KANK1: variants seen among roughly 807,000 people sequenced by gnomAD.
KANK1 encodes the protein KN motif and ankyrin repeat domain-containing protein 1.
Under a neutral mutation model 106.2 loss-of-function variants are expected in KANK1, and 109 were observed. The observed-to-expected ratio is 1.03, with a 90% confidence interval of 0.88 to 1.20. The LOEUF is 1.20. KANK1 is among the 50% of genes most tolerant of loss of function. KANK1 has a pLI of 0.00. For missense variants in KANK1, 2,399 were observed against 1,710.7 expected (o/e 1.40, Z -7.10); for synonymous variants, 873 against 652.2 (o/e 1.34, Z -5.16).
intron 1 of KANK1, among the ~76,000 whole-genome samples, chr9:622,365 G>T (rs1452823270): frequency 6.6e-6 from 1 of 152,064 alleles, no homozygotes; most frequent in Admixed American, 6.6e-5. Context: ...TCACTGCCCT[G>T]GAAAGAAGCT....
At chr9:480,723 G>T (rs1367277716) in intron 3 of KANK1, among the ~76,000 whole-genome samples, 1 of 152,194 alleles carries the variant, frequency 6.6e-6, no homozygotes, top group African/African-American at 2.4e-5. Context: ...GAAAGCATAG[G>T]CAGGGGAGCC....
chr9:703,900 G>T (rs905808478), intron 2 of KANK1, among the ~76,000 whole-genome samples: 7 of 152,124 alleles, frequency 4.6e-5, no homozygotes, highest in Admixed American at 3.9e-4. Context: ...TTTTAGTAGA[G>T]ACCTGGTTTC....
At chr9:592,241 A>C (rs574529014) in intron 1 of KANK1, among the ~76,000 whole-genome samples, 5 of 151,924 alleles carry the variant, frequency 3.3e-5, no homozygotes, top group African/African-American at 9.7e-5. Context: ...AGGGGATGTA[A>C]AGGAATTGAT....
At chr9:554,088 A>G (rs2061434906) in intron 1 of KANK1, among the ~76,000 whole-genome samples, 1 of 152,202 alleles carries the variant, frequency 6.6e-6, no homozygotes, top group South Asian at 2.1e-4. Flanking sequence ...GTATATTAGG[A>G]AGGAGATTCA....
At chr9:615,172 C>G (rs746607892) in intron 1 of KANK1, among the ~76,000 whole-genome samples, 4 of 152,144 alleles carry the variant, frequency 2.6e-5, no homozygotes, top group Non-Finnish European at 4.4e-5. Flanking sequence ...TGGCCTCAAG[C>G]AAGTCCTCCT....
chr9:517,232 T>A (rs1204750394), intron 1 of KANK1, among the ~76,000 whole-genome samples: 1 of 151,540 alleles, frequency 6.6e-6, no homozygotes, highest in Non-Finnish European at 1.5e-5. Context: ...GCCTCCCAAG[T>A]AGTTGGGAGT....
intron 1 of KANK1, among the ~76,000 whole-genome samples, chr9:578,092 G>T (rs1482350447): frequency 6.6e-6 from 1 of 152,142 alleles, no homozygotes; most frequent in Non-Finnish European, 1.5e-5. Flanking sequence ...AACACCAGAG[G>T]ATACTGAACT....
intron 1 of KANK1, among the ~76,000 whole-genome samples, chr9:628,291 G>C (rs1834842394): frequency 6.6e-6 from 1 of 152,110 alleles, no homozygotes; most frequent in African/African-American, 2.4e-5. Flanking sequence ...CCCTTCAGTG[G>C]GTAACTTGTC....
intron 1 of KANK1, among the ~76,000 whole-genome samples, chr9:570,069 G>A (rs1168840864): frequency 6.6e-6 from 1 of 151,962 alleles, no homozygotes; most frequent in Non-Finnish European, 1.5e-5. Flanking sequence ...TTTTCTCCTT[G>A]TATTGGGTTT....
intron 1 of KANK1, among the ~76,000 whole-genome samples, chr9:631,900 G>A (rs1010722074): frequency 1.3e-5 from 2 of 152,002 alleles, no homozygotes; most frequent in African/African-American, 4.8e-5. Flanking sequence ...TACCAGTTTG[G>A]GTTATCTACC....
chr9:577,551 C>G (rs932537725), intron 1 of KANK1, among the ~76,000 whole-genome samples: 2 of 152,192 alleles, frequency 1.3e-5, no homozygotes, highest in Non-Finnish European at 2.9e-5. Flanking sequence ...GACCCAGAAG[C>G]TCAGCCGGCT....
At chr9:714,633 C>T (rs1446001141) in intron 3 of KANK1, among the ~76,000 whole-genome samples, 1 of 152,162 alleles carries the variant, frequency 6.6e-6, no homozygotes, top group Admixed American at 6.5e-5. Context: ...GCTGGGATTA[C>T]AGACATGAGC....
At chr9:600,080 GT>G (rs1207225059) in intron 1 of KANK1, among the ~76,000 whole-genome samples, 1 of 151,548 alleles carries the variant, frequency 6.6e-6, no homozygotes, top group Admixed American at 6.6e-5. Context: ...TATCTTAACT[GT>G]TTTTTTAATT....
intron 2 of KANK1, among the ~76,000 whole-genome samples, chr9:682,845 G>A (rs114404151): frequency 1.2e-4 from 19 of 152,270 alleles, no homozygotes; most frequent in Admixed American, 7.2e-4. Flanking sequence ...TGATAAGACC[G>A]GGTCAGCCAG....
intron 1 of KANK1, among the ~76,000 whole-genome samples, chr9:668,006 C>T (rs1588729327): frequency 1.3e-5 from 2 of 152,154 alleles, no homozygotes; most frequent in Admixed American, 1.3e-4. Flanking sequence ...ACTGGGATTA[C>T]AGGCATGAGC....
At chr9:492,151 A>G (rs1022842796) in intron 3 of KANK1, 5 of 152,262 alleles carry the variant, frequency 3.3e-5, no homozygotes, top group African/African-American at 7.2e-5. Context: ...GGAGAGTAGT[A>G]GGAGAAAAGA....
At chr9:592,262 T>A (rs7871641) in intron 1 of KANK1, among the ~76,000 whole-genome samples, 57,123 of 151,748 alleles carry the variant, frequency 0.38, 13,709 homozygotes, top group African/African-American at 0.64. Flanking sequence ...CTAGATAAGT[T>A]AGTTTACTTA....
chr9:580,168 T>A (rs1169288148), intron 1 of KANK1, among the ~76,000 whole-genome samples: 1 of 151,532 alleles, frequency 6.6e-6, no homozygotes, highest in African/African-American at 2.4e-5. Flanking sequence ...TCGCGGTGAG[T>A]GTAACAGCTC....
chr9:615,451 G>A (rs1404398575), intron 1 of KANK1, among the ~76,000 whole-genome samples: 1 of 151,980 alleles, frequency 6.6e-6, no homozygotes, highest in East Asian at 1.9e-4. Flanking sequence ...GATGGTTTGA[G>A]TACCCACATT....
Sources: allele counts gnomAD v4.1 joint callset (sites outside exome capture counted in the v4.1 genomes callset), GRCh38; gene constraint gnomAD v4.1.1; transcripts MANE v1.5; gene names NCBI Gene and HGNC (gene_info 2026-07-23, HGNC 2026-07-21).